The following FMR1 variants were observed in gnomAD, a reference collection of about 807,000 sequenced individuals.
The protein encoded by FMR1 is fragile X messenger ribonucleoprotein 1, also known as FMRP translational regulator 1.
FMR1 carries 13 observed loss-of-function variants against 50.6 expected under a neutral mutation model. That is an observed-to-expected ratio of 0.26 (90% CI 0.17 to 0.41). The LOEUF (loss-of-function observed/expected upper bound fraction) is 0.41. Among genes scored for constraint, FMR1 ranks in the 10% least tolerant of loss-of-function variants. The pLI is 1.00. For synonymous variants in FMR1, 138 were observed against 164.1 expected, an observed-to-expected ratio of 0.84 and a Z score of 1.22; for missense variants, 316 against 491.3, an observed-to-expected ratio of 0.64 and a Z score of 3.37.
rs2042622121 is a variant in FMR1 at position 147,912,354 on chromosome X, C to T, written c.51+124C>T. On this transcript the variant is annotated intron_variant, in intron 1 of 16. Transcript: ENST00000370475. ...CCGCGCCTGGGTGCCAGGGCACGCT[C>T]GGCGGGATGTTGTTGGGAGGGAAGG... is the stretch of plus-strand genomic sequence containing the variant. The T allele has an allele frequency of 1.7e-5, 11 of 650,180 alleles. No individual in the cohort carries two copies. The South Asian group carries it at 2.2e-4, about 13-fold the overall frequency. 53.6% of individuals were successfully genotyped at this position (650,180 alleles called of 1,213,427 possible). A position where few individuals can be genotyped will look rare whatever the true frequency, so the allele number is the denominator to read the frequency against.
intron 16 of FMR1, among the ~76,000 whole-genome samples, chrX:147,946,130 G>T (rs2124576536): frequency 1.1e-5 from 1 of 86,962 alleles, no homozygotes; most frequent in South Asian, 6.8e-4. Flanking sequence ...GCCCACCTTG[G>T]CCTCCCAGTG....
Position 147,950,826 on chromosome X carries a change from A to C in FMR1, c.*1982A>C, listed in dbSNP as rs782009400. ...AAAGCGAAAAACTCAACCAAATGGT[A>C]CAAAACCACAGTGTACCATTAAAAT... On this transcript the variant is annotated 3_prime_UTR_variant, in exon 17 of 17. Transcript: ENST00000370475. 2.6e-5 allele frequency: 8 copies of C among 308,976 alleles called. No homozygotes were observed. The highest frequency in any genetic ancestry group is 4.9e-5 in the Non-Finnish European group (8 of 162,084). 25.5% of individuals were successfully genotyped at this position (308,976 alleles called of 1,213,427 possible). A position where few individuals can be genotyped will look rare whatever the true frequency, so the allele number is the denominator to read the frequency against.
chrX:147,937,314 C>T (rs1603016001), intron 10 of FMR1, 152 bp from the exon 11 acceptor site: 7 of 445,824 alleles, frequency 1.6e-5, no homozygotes, highest in East Asian at 1.2e-4. Context: ...TTTTTTTCTG[C>T]GTACAATTTG....
intron 2 of FMR1, among the ~76,000 whole-genome samples, chrX:147,924,115 C>T (rs1465643943): frequency 9.0e-6 from 1 of 110,503 alleles, no homozygotes; most frequent in African/African-American, 3.3e-5. Context: ...TCCTTGGAAC[C>T]ATTGAGTTAT....
At chrX:147,943,024 A>T in intron 13 of FMR1, 107 bp from the exon 14 acceptor site, 1 of 661,895 alleles carries the variant, frequency 1.5e-6, no homozygotes, top group Non-Finnish European at 2.4e-6. Flanking sequence ...TAAATTTAGA[A>T]CTGAAATTGA....
At chrX:147,932,377 T>C (rs368413161) in intron 7 of FMR1, 48 bp from the exon 8 acceptor site, 4 of 1,132,405 alleles carry the variant, frequency 3.5e-6, no homozygotes, top group South Asian at 1.8e-5. Context: ...AATACAGTTG[T>C]CGTAATAGTT....
At chrX:147,927,499 T>A (rs2043432664) in intron 3 of FMR1, among the ~76,000 whole-genome samples, 1 of 112,042 alleles carries the variant, frequency 8.9e-6, no homozygotes, top group South Asian at 3.7e-4. Context: ...AGCCCTAGAC[T>A]TTGTACCTCT....
At chrX:147,946,819 G>A (rs2044184349) in intron 16 of FMR1, 1 of 112,354 alleles carries the variant, frequency 8.9e-6, no homozygotes, top group Non-Finnish European at 1.9e-5. Flanking sequence ...TTAAGACAAA[G>A]TTTATGATGG....
Position 147,912,103 on chromosome X carries a change from GGCGGCGGCT to G in FMR1, c.-75_-67del. 1.4e-6 allele frequency: 1 copy of G among 700,756 alleles called. No individual in the cohort carries two copies. The highest frequency in any genetic ancestry group is 1.8e-6 in the Non-Finnish European group (1 of 565,909). The allele number at this position is 700,756 out of a possible 1,213,427, so 57.8% of individuals were successfully genotyped here. ...CGGAGGCGGCGGCGGCGGCGGCGGCGGCGGCGGCTGGGCCTCGAGCGCCCGCAGCCCACC... is the reference window on the plus strand; with the variant it reads ...CGGAGGCGGCGGCGGCGGCGGCGGCGGGGCCTCGAGCGCCCGCAGCCCACC... On this transcript the variant is annotated 5_prime_UTR_variant, in exon 1 of 17. Coordinates refer to ENST00000370475, the MANE Select transcript of FMR1 (RefSeq NM_002024.6).
chrX:147,939,868 C>T (rs2043920512), intron 12 of FMR1, among the ~76,000 whole-genome samples: 1 of 101,010 alleles, frequency 9.9e-6, no homozygotes, highest in Non-Finnish European at 2.0e-5. Context: ...CCACTGCACT[C>T]CAGCCTGGAT....
chrX:147,939,504 T>C (rs2043906158), intron 12 of FMR1, among the ~76,000 whole-genome samples: 1 of 111,957 alleles, frequency 8.9e-6, no homozygotes, highest in Non-Finnish European at 1.9e-5. Context: ...TATCCTGATG[T>C]TTTTGTTTGT....
At chrX:147,925,857 C>T (rs370314343) in intron 3 of FMR1, among the ~76,000 whole-genome samples, 1 of 112,066 alleles carries the variant, frequency 8.9e-6, no homozygotes, top group Non-Finnish European at 1.9e-5. Flanking sequence ...ATTTGAAAGT[C>T]ACTGCCGCAA....
chrX:147,928,284 T>A, intron 3 of FMR1, 38 bp from the exon 4 acceptor site: 1 of 1,106,474 alleles, frequency 9.0e-7, no homozygotes, highest in African/African-American at 1.8e-5. Context: ...CAAAATTATG[T>A]TAATCATGAA....
chrX:147,934,352 A>G (rs1208888775), intron 9 of FMR1, among the ~76,000 whole-genome samples: 4 of 110,850 alleles, frequency 3.6e-5, no homozygotes, highest in Non-Finnish European at 7.6e-5. Context: ...TTTGGTGGCA[A>G]TGTGAGCGTG....
Position 147,945,545 on chromosome X carries a change from C to T in FMR1, c.1666C>T (p.His556Tyr). Residue 556 changes from histidine (H) to tyrosine (Y), a missense_variant, in exon 16 of 17, where the codon CAC becomes TAC. By Grantham distance (83) the His-to-Tyr change is moderately conservative (BLOSUM62 2). Around this residue, in one of 4 missense-constraint regions of FMR1, gnomAD observed 124 missense variants for 160.8 expected, o/e 0.77. Transcript: ENST00000370475. ...RGGGFKGNDD[H>Y]SRTDNRPRNP... ...AAATATTCTCATAGGAAACGACGAT[C>T]ACTCCCGAACAGATAATCGTCCACG... is the stretch of plus-strand genomic sequence containing the variant. 1.7e-6 allele frequency: 2 copies of T among 1,205,360 alleles called. No individual in the cohort carries two copies. The highest frequency in any genetic ancestry group is 2.2e-6 in the Non-Finnish European group (2 of 889,521).
intron 10 of FMR1, 44 bp downstream of exon 10, chrX:147,936,657 A>C: frequency 1.2e-6 from 1 of 831,966 alleles, no homozygotes. Flanking sequence ...TAATAAAAGT[A>C]AAAGTTTTTT....
At chrX:147,912,943 C>G (rs1308459754) in intron 1 of FMR1, 4 of 281,310 alleles carry the variant, frequency 1.4e-5, no homozygotes, top group African/African-American at 2.8e-5. Flanking sequence ...ATTCGCGTCC[C>G]CCTTTTTGTT....
intron 12 of FMR1, among the ~76,000 whole-genome samples, chrX:147,939,920 AAG>A (rs1404176896): frequency 9.5e-6 from 1 of 105,605 alleles, no homozygotes; most frequent in Admixed American, 1.0e-4. Flanking sequence ...AAAAAAAAAA[AAG>A]AGGCGGAGGC....
intron 9 of FMR1, chrX:147,933,433 TAA>T: frequency 1.0e-6 from 1 of 994,854 alleles, no homozygotes; most frequent in African/African-American, 2.0e-5. Flanking sequence ...TACTTAAATC[TAA>T]AAAGTTCCAA....
Sources: gnomAD v4.1 joint callset for allele counts (sites outside exome capture counted in the v4.1 genomes callset) on GRCh38, gnomAD v4.1.1 for gene constraint, gnomAD v4.1.1 regional missense constraint, MANE v1.5 for transcripts, NCBI Gene and HGNC (gene_info 2026-07-23, HGNC 2026-07-21) for gene names.